UIMC1: variants seen among roughly 807,000 people sequenced by gnomAD.
UIMC1 encodes BRCA1-A complex subunit RAP80.
Under a neutral mutation model 84.9 loss-of-function variants are expected in UIMC1, and 42 were observed. The ratio of observed to expected loss-of-function variants is 0.49; its 90% CI spans 0.39 to 0.64. The LOEUF (loss-of-function observed/expected upper bound fraction) is 0.64. UIMC1 is among the 30% of genes least tolerant of loss of function. UIMC1 has a pLI of 0.00. For synonymous variants in UIMC1, 281 were observed against 293.0 expected, an observed-to-expected ratio of 0.96 and a Z score of 0.42; for missense variants, 825 against 847.6, an observed-to-expected ratio of 0.97 and a Z score of 0.33.
chr5:176,945,079 T>C (rs1306191208), intron 9 of UIMC1, among the ~76,000 whole-genome samples: 1 of 152,202 alleles, frequency 6.6e-6, no homozygotes, highest in East Asian at 1.9e-4. Flanking sequence ...TTCCATTCTA[T>C]CATGTTGTGG....
intron 6 of UIMC1, among the ~76,000 whole-genome samples, chr5:176,966,638 T>C (rs1464585610): frequency 6.6e-6 from 1 of 152,164 alleles, no homozygotes; most frequent in Admixed American, 6.5e-5. Context: ...AAAAATAAGA[T>C]ATAAGCTTTC....
At chr5:176,991,478 C>T (rs1016999559) in intron 1 of UIMC1, among the ~76,000 whole-genome samples, 2 of 151,620 alleles carry the variant, frequency 1.3e-5, no homozygotes, top group East Asian at 3.9e-4. Context: ...CTGGGCAACA[C>T]AGAAAGACTG....
Position 176,943,460 on chromosome 5 carries a change from T to C in UIMC1, c.1472A>G (p.Glu491Gly). Reference sequence around the variant, plus strand: ...GGATGAGAAGGTAGAAATAGCTACTTCCTTCTCAGCATCTTCCTTGTTACC... The same window carrying C: ...GGATGAGAAGGTAGAAATAGCTACTCCCTTCTCAGCATCTTCCTTGTTACC... The part of the protein sequence containing the change: ...EVGNKEDAEK[E>G]VAISTFSSSN... The change falls in exon 10 of 15, where the codon GAA becomes GGA. Residue 491 changes from glutamate to glycine, a missense_variant. By Grantham distance (98) the Glu-to-Gly change is moderately conservative. Coordinates refer to ENST00000511320, the MANE Select transcript of UIMC1 (RefSeq NM_001199298.2). 1 of 1,614,070 alleles carries C rather than the reference T, an allele frequency of 6.2e-7. No homozygotes were observed. Among genetic ancestry groups the C allele is most frequent in the Non-Finnish European group, 8.5e-7 (1 of 1,179,990 alleles).
chr5:177,015,754 G>A (rs1775655986), intron 1 of UIMC1, among the ~76,000 whole-genome samples: 1 of 152,078 alleles, frequency 6.6e-6, no homozygotes, highest in African/African-American at 2.4e-5. Context: ...TGAAGACACT[G>A]CTTCCCTGCG....
At chr5:176,994,510 TA>T (rs58699518) in intron 1 of UIMC1, among the ~76,000 whole-genome samples, 28,134 of 138,116 alleles carry the variant, frequency 0.2, 3,389 homozygotes, top group East Asian at 0.48. Flanking sequence ...GCAGTTTCTT[TA>T]AAAAAAAAAA....
chr5:177,000,517 T>TTTTTTTTTTTTTTTTTTTTTG (rs1774294769), intron 1 of UIMC1, among the ~76,000 whole-genome samples: 1 of 149,036 alleles, frequency 6.7e-6, no homozygotes, highest in African/African-American at 2.5e-5. Context: ...TTTTTTTTTT[T>TTTTTTTTTTTTTTTTTTTTTG]GAGATGGAGT....
In UIMC1 at chr5:176,943,411, T is replaced by C. The variant is rs754309581; in HGVS notation, c.1521A>G (p.Leu507=). The C allele has an allele frequency of 6.2e-6, 10 of 1,614,188 alleles. No individual in the cohort carries two copies. The highest frequency in any genetic ancestry group is 4.5e-5 in the East Asian group (2 of 44,872). The change falls in exon 10 of 15, where the codon CTA becomes CTG. Residue 507 remains leucine, a synonymous_variant. Coordinates refer to ENST00000511320, the MANE Select transcript of UIMC1 (RefSeq NM_001199298.2). The stretch of plus-strand genomic sequence containing the variant: ...TTGTGGGTGGAAAGCATTGGTCACA[T>C]AGCGGGCAGGATACCTGGTTACTGG... ...FSSSNQVSCP[L]CDQCFPPTKI...
chr5:176,977,895 A>G (rs1335162216), intron 2 of UIMC1, among the ~76,000 whole-genome samples: 1 of 152,038 alleles, frequency 6.6e-6, no homozygotes, highest in Non-Finnish European at 1.5e-5. Flanking sequence ...TGGGCAACAG[A>G]GCGAGACTCC....
At chr5:177,015,930 C>T (rs928773332) in intron 1 of UIMC1, among the ~76,000 whole-genome samples, 2 of 151,970 alleles carry the variant, frequency 1.3e-5, no homozygotes, top group Admixed American at 6.6e-5. Context: ...ATTAGCCAGA[C>T]GTGGTGGCGC....
At chr5:176,981,490 T>C (rs1036448754) in intron 2 of UIMC1, among the ~76,000 whole-genome samples, 4 of 152,092 alleles carry the variant, frequency 2.6e-5, no homozygotes, top group Non-Finnish European at 4.4e-5. Flanking sequence ...AAATGCTCAA[T>C]CTTGCTAACC....
intron 3 of UIMC1, 99 bp downstream of exon 3, chr5:176,975,297 T>C (rs1010998987): frequency 2.5e-6 from 3 of 1,184,138 alleles, no homozygotes; most frequent in Non-Finnish European, 3.6e-6. Flanking sequence ...CTTGAATCTA[T>C]CAGAGACCTA....
At chr5:176,945,656 G>A (rs1765003178) in intron 9 of UIMC1, among the ~76,000 whole-genome samples, 2 of 152,264 alleles carry the variant, frequency 1.3e-5, no homozygotes, top group South Asian at 2.1e-4. Context: ...ATAAACAGAC[G>A]CATGGGTGGG....
intron 10 of UIMC1, among the ~76,000 whole-genome samples, chr5:176,920,516 C>T (rs942199499): frequency 1.3e-5 from 2 of 151,644 alleles, no homozygotes; most frequent in Non-Finnish European, 2.9e-5. Context: ...CAAACATATT[C>T]CTAAGTATTT....
chr5:176,926,134 A>G (rs1762362733), intron 10 of UIMC1, among the ~76,000 whole-genome samples: 1 of 152,138 alleles, frequency 6.6e-6, no homozygotes, highest in Non-Finnish European at 1.5e-5. Flanking sequence ...GAAACCCTCT[A>G]AATTAAAGAT....
At chr5:176,986,297 T>C (rs865895183) in intron 1 of UIMC1, among the ~76,000 whole-genome samples, 4 of 136,926 alleles carry the variant, frequency 2.9e-5, no homozygotes, top group African/African-American at 8.5e-5. Context: ...GAGGTGGAGA[T>C]TGCAGTGAGC....
At chr5:176,938,028 A>G (rs568158818) in intron 10 of UIMC1, among the ~76,000 whole-genome samples, 29 of 151,950 alleles carry the variant, frequency 1.9e-4, no homozygotes, top group Non-Finnish European at 3.2e-4. Context: ...CCATCTCTAC[A>G]AAAAATAAAA....
At chr5:176,905,597 C>T in intron 14 of UIMC1, 105 bp from the exon 15 acceptor site, 2 of 1,053,380 alleles carry the variant, frequency 1.9e-6, no homozygotes, top group Non-Finnish European at 1.4e-6. Context: ...ATTATTAGTA[C>T]AAATAATCTT....
At chr5:176,999,950 A>G (rs1395707494) in intron 1 of UIMC1, among the ~76,000 whole-genome samples, 1 of 151,854 alleles carries the variant, frequency 6.6e-6, no homozygotes, top group African/African-American at 2.4e-5. Context: ...CGATAGCTCT[A>G]CTTTTAGTTG....
chr5:176,960,320 G>A (rs538508680), intron 6 of UIMC1, among the ~76,000 whole-genome samples: 2 of 152,132 alleles, frequency 1.3e-5, no homozygotes, highest in East Asian at 3.9e-4. Context: ...TCCCAAGAAC[G>A]TCTTCATTTC....
Sources: allele counts gnomAD v4.1 joint callset (sites outside exome capture counted in the v4.1 genomes callset), GRCh38; gene constraint gnomAD v4.1.1; transcripts MANE v1.5; gene names NCBI Gene and HGNC (gene_info 2026-07-23, HGNC 2026-07-21).